ANXA3: variants seen among roughly 807,000 people sequenced by gnomAD.
ANXA3 encodes the protein 35-alpha calcimedin.
In ANXA3, 46 loss-of-function variants were observed where a neutral mutation model predicts 48.8. The ratio of observed to expected loss-of-function variants is 0.94; its 90% CI spans 0.74 to 1.21. ANXA3 has a LOEUF of 1.21. Among genes scored for constraint, ANXA3 ranks in the 50% most tolerant of loss-of-function variants. The pLI is 0.00. For missense variants in ANXA3, 383 were observed against 378.6 expected (o/e 1.01, Z -0.10); for synonymous variants, 128 against 134.7 (o/e 0.95, Z 0.35).
chr4:78,563,463 G>C (rs952868528), intron 2 of ANXA3, among the ~76,000 whole-genome samples: 1 of 151,968 alleles, frequency 6.6e-6, no homozygotes, highest in African/African-American at 2.4e-5. Flanking sequence ...TGGGATCTCT[G>C]GGGGGTGATT....
Position 78,595,414 on chromosome 4 carries a change from C to A in ANXA3, c.517C>A (p.His173Asn). ...AGATGAAAGTCTGAAAGTGGATGAG[C>A]ATCTGGCCAAACAAGATGCCCAGGT... ...RRDESLKVDE[H>N]LAKQDAQILY... is the part of the protein sequence containing the mutation. Residue 173 changes from histidine (H) to asparagine (N), a missense_variant, in exon 8 of 13, where the codon CAT becomes AAT. His to Asn is a moderately conservative substitution (Grantham distance 68). Transcript: ENST00000264908. 1 of 1,613,522 alleles carries A rather than the reference C, an allele frequency of 6.2e-7. No individual in the cohort carries two copies. The highest frequency in any genetic ancestry group is 8.5e-7 in the Non-Finnish European group (1 of 1,179,848).
intron 3 of ANXA3, among the ~76,000 whole-genome samples, chr4:78,576,546 C>T (rs1222114948): frequency 6.6e-6 from 1 of 152,178 alleles, no homozygotes; most frequent in Non-Finnish European, 1.5e-5. Flanking sequence ...ATCCTTCTGC[C>T]TTGTCCTCCC....
At chr4:78,598,160 G>A (rs751860271) in intron 10 of ANXA3, among the ~76,000 whole-genome samples, 3 of 149,672 alleles carry the variant, frequency 2.0e-5, no homozygotes, top group South Asian at 2.1e-4. Flanking sequence ...GCAAGATCTT[G>A]TCTCTTTAAT....
intron 2 of ANXA3, among the ~76,000 whole-genome samples, chr4:78,561,825 C>A (rs1310454749): frequency 6.6e-6 from 1 of 152,132 alleles, no homozygotes; most frequent in Non-Finnish European, 1.5e-5. Flanking sequence ...GGCATTCAGA[C>A]AGATACACAA....
In ANXA3 at chr4:78,582,265, C is replaced by A; in HGVS notation, c.287C>A (p.Ala96Glu). The change falls in exon 5 of 13, where the codon GCA (alanine) becomes GAA (glutamate). Residue 96 changes from alanine to glutamate, a missense_variant. Ala to Glu is a moderately radical substitution (Grantham distance 107). Transcript: ENST00000264908. Reference sequence around the variant, plus strand: ...GTGACTCCACCAGCAGTCTTTGATGCAAAGCAGCTAAAGAAATCCATGAAG... The same window carrying A: ...GTGACTCCACCAGCAGTCTTTGATGAAAAGCAGCTAAAGAAATCCATGAAG... The part of the protein sequence containing the change: ...ALVTPPAVFD[A>E]KQLKKSMKGA... 6.2e-7 allele frequency: 1 copy of A among 1,612,664 alleles called. No individual in the cohort carries two copies. The highest frequency in any genetic ancestry group is 8.5e-7 in the Non-Finnish European group (1 of 1,178,790).
At chr4:78,595,933 A>C (rs1407399604) in intron 9 of ANXA3, 46 bp downstream of exon 9, 3 of 1,335,712 alleles carry the variant, frequency 2.2e-6, no homozygotes, top group East Asian at 2.3e-5. Flanking sequence ...TTGTTTTTAC[A>C]AATGTTTTTG....
chr4:78,563,523 G>C (rs985557210), intron 2 of ANXA3, among the ~76,000 whole-genome samples: 7 of 67,200 alleles, frequency 1.0e-4, no homozygotes, highest in African/African-American at 2.6e-4. Flanking sequence ...AGGGAGCTTG[G>C]TCACGTCTTC....
intron 3 of ANXA3, among the ~76,000 whole-genome samples, chr4:78,575,889 T>C (rs1722941199): frequency 6.6e-6 from 1 of 152,218 alleles, no homozygotes; most frequent in Non-Finnish European, 1.5e-5. Flanking sequence ...ATGGAATTAG[T>C]GTTCATGGAT....
intron 2 of ANXA3, among the ~76,000 whole-genome samples, chr4:78,566,226 G>T (rs1722727860): frequency 6.6e-6 from 1 of 152,028 alleles, no homozygotes; most frequent in Admixed American, 6.6e-5. Flanking sequence ...TGGCTTGTTT[G>T]TCCCTGTCTT....
At chr4:78,554,731 T>G (rs1196996196) in intron 2 of ANXA3, among the ~76,000 whole-genome samples, 1 of 152,162 alleles carries the variant, frequency 6.6e-6, no homozygotes, top group Non-Finnish European at 1.5e-5. Flanking sequence ...GATAATAAAT[T>G]TAGTATATAA....
At chr4:78,584,131 C>T (rs79030041) in intron 5 of ANXA3, among the ~76,000 whole-genome samples, 4,546 of 152,270 alleles carry the variant, frequency 0.03, 232 homozygotes, top group African/African-American at 0.1. Context: ...CATTAATTCA[C>T]TCAAATATAT....
rs1221363480 is a variant in ANXA3 at position 78,561,649 on chromosome 4, C to G, written c.15+7161C>G. On this transcript the variant is annotated intron_variant, in intron 2 of 12. Transcript: ENST00000264908. The stretch of plus-strand genomic sequence containing the variant: ...ATGCTGAACTCCTCCTCTGGTCTCC[C>G]TCACATCTACCACATCCAGGAATGG... Among the ~76,000 whole-genome samples, 6 of 152,176 alleles carry G rather than the reference C, an allele frequency of 3.9e-5. No homozygotes were observed. In the East Asian group the frequency reaches 1.2e-3, roughly 29 times the overall value.
chr4:78,605,353 TAGTATA>T (rs1723625062), intron 12 of ANXA3, among the ~76,000 whole-genome samples: 1 of 152,200 alleles, frequency 6.6e-6, no homozygotes, highest in Admixed American at 6.5e-5. Context: ...ACATTTTTCT[TAGTATA>T]AGTAAGGCTG....
chr4:78,566,878 A>T (rs1276841527), intron 2 of ANXA3, among the ~76,000 whole-genome samples: 1 of 152,240 alleles, frequency 6.6e-6, no homozygotes, highest in African/African-American at 2.4e-5. Context: ...GAGCCCAAGA[A>T]CAAATATAAA....
chr4:78,574,755 A>G (rs1157709116), intron 3 of ANXA3, among the ~76,000 whole-genome samples: 1 of 152,234 alleles, frequency 6.6e-6, no homozygotes, highest in Admixed American at 6.5e-5. Context: ...AGATGGGAAT[A>G]TTGATGGAAC....
intron 9 of ANXA3, 197 bp from the exon 10 acceptor site, chr4:78,597,122 T>G: frequency 2.1e-6 from 1 of 477,258 alleles, no homozygotes; most frequent in East Asian, 4.2e-5. Context: ...ATCTAGGGAG[T>G]TTGGGTTTTG....
chr4:78,574,448 C>T (rs1467179505), intron 3 of ANXA3, among the ~76,000 whole-genome samples: 3 of 152,006 alleles, frequency 2.0e-5, no homozygotes, highest in Admixed American at 2.0e-4. Flanking sequence ...ACAAAAAAAC[C>T]CAACACAATC....
chr4:78,584,887 G>A (rs1225365285), intron 5 of ANXA3, among the ~76,000 whole-genome samples: 2 of 152,196 alleles, frequency 1.3e-5, no homozygotes, highest in Admixed American at 6.5e-5. Context: ...GAGAGGAGAG[G>A]AAGTAGGCTG....
At chr4:78,564,992 T>G (rs1722701248) in intron 2 of ANXA3, among the ~76,000 whole-genome samples, 1 of 12,724 alleles carries the variant, frequency 7.9e-5, no homozygotes, top group African/African-American at 2.8e-4. Flanking sequence ...CTGACTTAGA[T>G]TTTTTTTTTT....
Sources: gnomAD v4.1 joint callset for allele counts (sites outside exome capture counted in the v4.1 genomes callset) on GRCh38, gnomAD v4.1.1 for gene constraint, MANE v1.5 for transcripts, NCBI Gene and HGNC (gene_info 2026-07-23, HGNC 2026-07-21) for gene names.